The following GLIS3 variants were observed in gnomAD, a reference collection of about 807,000 sequenced individuals.
The protein encoded by GLIS3 is GLIS family zinc finger 3.
Under a neutral mutation model 78.6 loss-of-function variants are expected in GLIS3, and 53 were observed. The observed-to-expected ratio is 0.67, with a 90% CI of 0.54 to 0.85. The LOEUF (loss-of-function observed/expected upper bound fraction) is 0.85. Ranked by LOEUF, GLIS3 falls within the 40% of genes least tolerant of loss-of-function variation. The probability of loss-of-function intolerance (pLI) is 0.00; values close to 1 mark genes in which losing one functional copy is unlikely to be tolerated. For missense variants in GLIS3, 1,703 were observed against 1,231.1 expected (o/e 1.38, Z -5.74); for synonymous variants, 684 against 509.9 (o/e 1.34, Z -4.60).
At chr9:4,307,746 G>A (rs1346856420) in intron 4 of GLIS3, among the ~76,000 whole-genome samples, 1 of 152,154 alleles carries the variant, frequency 6.6e-6, no homozygotes, top group African/African-American at 2.4e-5. Context: ...TATGTTACCA[G>A]GTTTGAAGGT....
At chr9:4,370,993 G>A in the GLIS3 span, among the ~76,000 whole-genome samples, 1 of 152,196 alleles carries the variant, frequency 6.6e-6, no homozygotes, top group Admixed American at 6.5e-5. Context: ...TACTGAAGAT[G>A]TGAGCCCTCA....
chr9:4,139,152 C>A (rs1292073725), intron 2 of GLIS3, among the ~76,000 whole-genome samples: 1 of 152,118 alleles, frequency 6.6e-6, no homozygotes, highest in Non-Finnish European at 1.5e-5. Context: ...AGATTCAGAA[C>A]CTTTCTTCCA....
At chr9:4,370,243 T>C in the GLIS3 span, among the ~76,000 whole-genome samples, 1 of 149,798 alleles carries the variant, frequency 6.7e-6, no homozygotes, top group Admixed American at 6.6e-5. Context: ...AAAGTTCAAA[T>C]TGTCCTGGGT....
chr9:4,370,267 G>A, the GLIS3 span, among the ~76,000 whole-genome samples: 2 of 151,874 alleles, frequency 1.3e-5, no homozygotes, highest in African/African-American at 2.4e-5. Context: ...TGGATCAGTG[G>A]GGCCCTCCCC....
intron 2 of GLIS3, among the ~76,000 whole-genome samples, chr9:4,206,470 A>T (rs1288662961): frequency 3.3e-5 from 5 of 152,246 alleles, no homozygotes; most frequent in African/African-American, 1.2e-4. Context: ...GACGCCTATT[A>T]GCAGAAAATA....
At chr9:4,255,864 G>C (rs1157815418) in intron 2 of GLIS3, among the ~76,000 whole-genome samples, 1 of 152,016 alleles carries the variant, frequency 6.6e-6, no homozygotes, top group Admixed American at 6.6e-5. Context: ...TGGACTCTGG[G>C]TAATCATGAT....
the GLIS3 span, among the ~76,000 whole-genome samples, chr9:4,430,028 T>TAAACAAACAAAC: frequency 1.3e-5 from 2 of 150,550 alleles, no homozygotes; most frequent in Admixed American, 6.6e-5. Context: ...CTCTTTCTAT[T>TAAACAAACAAAC]AAACAAACAA....
At chr9:3,987,062 A>G (rs1303114083) in intron 4 of GLIS3, among the ~76,000 whole-genome samples, 2 of 152,370 alleles carry the variant, frequency 1.3e-5, no homozygotes, top group Middle Eastern at 3.4e-3. Context: ...AAATGCTTCA[A>G]CAATGAATTA....
At chr9:3,972,561 T>G (rs998373035) in intron 4 of GLIS3, among the ~76,000 whole-genome samples, 1 of 152,108 alleles carries the variant, frequency 6.6e-6, no homozygotes, top group Non-Finnish European at 1.5e-5. Flanking sequence ...AAAGGGTTTT[T>G]TTTGTTTGTT....
rs114742642 is a variant in GLIS3, at chr9:4,185,332, T to A, written c.389-59391A>T. On this transcript the variant is annotated intron_variant, in intron 2 of 10. Transcript: ENST00000381971. ...ATAGTATTCCATTATATGGCTAAAC[T>A]GTATTTTGTTTATCCATTCACCAGC... Among the ~76,000 whole-genome samples the A allele has an allele frequency of 3.9e-3, 596 of 152,356 alleles. 3 individuals are homozygous for A. The highest frequency in any genetic ancestry group is 0.013 in the African/African-American group (558 of 41,590).
intron 4 of GLIS3, among the ~76,000 whole-genome samples, chr9:4,024,773 C>T (rs1273039375): frequency 6.6e-6 from 1 of 152,172 alleles, no homozygotes; most frequent in African/African-American, 2.4e-5. Flanking sequence ...TTGTCACAAT[C>T]TTTCCCAACT....
At chr9:4,407,015 G>T in the GLIS3 span, among the ~76,000 whole-genome samples, 4 of 152,118 alleles carry the variant, frequency 2.6e-5, no homozygotes, top group Non-Finnish European at 5.9e-5. Flanking sequence ...AACAAAACTG[G>T]AAGAATCACA....
rs1302576328 is a variant in GLIS3, at chr9:4,084,363, T to A, written c.1710+33405A>T. Among the ~76,000 whole-genome samples the A allele has an allele frequency of 2.6e-5, 4 of 151,890 alleles. No individual in the cohort carries two copies. The East Asian group carries it at 7.8e-4, about 29-fold the overall frequency. On this transcript the variant is annotated intron_variant, in intron 4 of 10. Coordinates refer to ENST00000381971, the MANE Select transcript of GLIS3 (RefSeq NM_001042413.2). The stretch of plus-strand genomic sequence containing the variant: ...TCTCTTATCTTGCGGTTCTCTACAT[T>A]TGAAGAACCTTTGGTAGAAATGCAT...
rs75604108 is a variant in GLIS3 at position 4,148,242 on chromosome 9, C to A, written c.389-22301G>T. 2.0e-5 allele frequency among the ~76,000 whole-genome samples: 3 copies of A among 152,102 alleles called. No individual in the cohort carries two copies. The East Asian group carries it at 5.8e-4, about 29-fold the overall frequency. Reference sequence around the variant, plus strand: ...AATTATTGCTGATTCTAGATGAGATCTGGCTACATCGGTTTCCTTGCTACA... The same window carrying A: ...AATTATTGCTGATTCTAGATGAGATATGGCTACATCGGTTTCCTTGCTACA... On this transcript the variant is annotated intron_variant, in intron 2 of 10. Transcript: ENST00000381971.
intron 6 of GLIS3, among the ~76,000 whole-genome samples, chr9:3,925,110 T>A (rs374811617): frequency 7.9e-5 from 12 of 152,206 alleles, no homozygotes; most frequent in African/African-American, 2.4e-4. Context: ...ACTACTTTGT[T>A]ACATTTGACA....
intron 2 of GLIS3, among the ~76,000 whole-genome samples, chr9:4,321,421 C>CA (rs35583742): frequency 0.022 from 355 of 16,290 alleles, 141 homozygotes; most frequent in Non-Finnish European, 0.033. Flanking sequence ...GACTCCGTCT[C>CA]AAAAAAAAAA....
At chr9:4,010,565 G>A (rs1194855095) in intron 4 of GLIS3, among the ~76,000 whole-genome samples, 3 of 152,072 alleles carry the variant, frequency 2.0e-5, no homozygotes, top group Non-Finnish European at 1.5e-5. Flanking sequence ...GTAATAGCAG[G>A]CAGGACCGTG....
At chr9:3,971,848 G>C (rs1261254350) in intron 4 of GLIS3, among the ~76,000 whole-genome samples, 1 of 152,154 alleles carries the variant, frequency 6.6e-6, no homozygotes, top group Non-Finnish European at 1.5e-5. Flanking sequence ...GAAAGGAGTT[G>C]ACTCACATCT....
intron 4 of GLIS3, among the ~76,000 whole-genome samples, chr9:4,085,577 A>T (rs1398947806): frequency 6.6e-6 from 1 of 151,870 alleles, no homozygotes; most frequent in Non-Finnish European, 1.5e-5. Context: ...TTATTGACAT[A>T]TTATAAATAT....
Sources: allele counts gnomAD v4.1 joint callset (sites outside exome capture counted in the v4.1 genomes callset), GRCh38; gene constraint gnomAD v4.1.1; transcripts MANE v1.5; gene names NCBI Gene and HGNC (gene_info 2026-07-23, HGNC 2026-07-21).